The following SLC24A3 variants were observed in gnomAD, a reference collection of about 807,000 sequenced individuals.
The protein encoded by SLC24A3 is sodium/potassium/calcium exchanger 3.
In SLC24A3, 28 loss-of-function variants were observed where a neutral mutation model predicts 75.8. The ratio of observed to expected loss-of-function variants is 0.37; its 90% CI spans 0.27 to 0.51. The LOEUF (loss-of-function observed/expected upper bound fraction) is 0.51, where lower values mean the gene tolerates loss of function less well. Ranked by LOEUF, SLC24A3 falls within the 20% of genes least tolerant of loss-of-function variation. The pLI, the probability that SLC24A3 is intolerant of heterozygous loss-of-function variation, is 0.94. For synonymous variants in SLC24A3, 372 were observed against 334.1 expected (o/e 1.11, Z -1.24); for missense variants, 663 against 847.8 (o/e 0.78, Z 2.71).
At chr20:19,325,767 TATATATATAC>T (rs57432813) in intron 2 of SLC24A3, among the ~76,000 whole-genome samples, 1,082 of 64,946 alleles carry the variant, frequency 0.017, 40 homozygotes, top group African/African-American at 0.09. Context: ...CATACATACA[TATATATATAC>T]ATATATATAT....
intron 1 of SLC24A3, among the ~76,000 whole-genome samples, chr20:19,259,518 C>T (rs536581000): frequency 2.6e-5 from 4 of 152,290 alleles, no homozygotes; most frequent in South Asian, 2.1e-4. Context: ...TGAAGATTGG[C>T]GACCAGGCAA....
intron 3 of SLC24A3, among the ~76,000 whole-genome samples, chr20:19,535,474 C>T (rs555885952): frequency 6.6e-6 from 1 of 152,248 alleles, no homozygotes; most frequent in East Asian, 1.9e-4. Flanking sequence ...AACAGGGTTC[C>T]CAGAGATCAA....
chr20:19,223,199 G>A (rs539465225), intron 1 of SLC24A3, among the ~76,000 whole-genome samples: 2 of 152,278 alleles, frequency 1.3e-5, no homozygotes, highest in East Asian at 3.9e-4. Flanking sequence ...GGCTGAAGCA[G>A]GAGAATCATT....
chr20:19,465,461 T>C (rs1987749499), intron 2 of SLC24A3, among the ~76,000 whole-genome samples: 1 of 151,504 alleles, frequency 6.6e-6, no homozygotes. Flanking sequence ...TTTGCTAGAA[T>C]GCACATTTGT....
rs540241869 is a variant in SLC24A3, at chr20:19,371,134, A to G, written c.271+90047A>G. ...AGGAGCTCTGGGGGCAACTGGGCTGAAGTTTGTCCTCCATGGGATTCTGGA... is the reference window on the plus strand; with the variant it reads ...AGGAGCTCTGGGGGCAACTGGGCTGGAGTTTGTCCTCCATGGGATTCTGGA... On this transcript the variant is annotated intron_variant, in intron 2 of 16. Coordinates refer to ENST00000328041, the MANE Select transcript of SLC24A3 (RefSeq NM_020689.4). 4.1e-4 allele frequency among the ~76,000 whole-genome samples: 63 copies of G among 152,208 alleles called. No homozygotes were observed. The East Asian group carries it at 4.7e-3, about 11-fold the overall frequency.
At chr20:19,281,220 A>G in intron 2 of SLC24A3, 133 bp downstream of exon 2, 1 of 1,322,466 alleles carries the variant, frequency 7.6e-7, no homozygotes, top group South Asian at 1.4e-5. Context: ...TGGGAGTCTA[A>G]GAAACTTTCA....
At chr20:19,376,577 A>G (rs1986087008) in intron 2 of SLC24A3, among the ~76,000 whole-genome samples, 1 of 152,050 alleles carries the variant, frequency 6.6e-6, no homozygotes, top group South Asian at 2.1e-4. Flanking sequence ...CCAAGGGAAA[A>G]GGATATTCCC....
intron 2 of SLC24A3, among the ~76,000 whole-genome samples, chr20:19,457,826 A>G (rs541587797): frequency 2.0e-5 from 3 of 152,330 alleles, no homozygotes; most frequent in South Asian, 4.1e-4. Context: ...CCCCAGAGAA[A>G]GAACTACACG....
At chr20:19,590,038 T>C (rs2031351822) in intron 6 of SLC24A3, among the ~76,000 whole-genome samples, 1 of 151,932 alleles carries the variant, frequency 6.6e-6, no homozygotes, top group Non-Finnish European at 1.5e-5. Flanking sequence ...GAGTGTAGGA[T>C]CTGGGGTCAA....
At chr20:19,665,795 G>A (rs1346044797) in intron 7 of SLC24A3, 69 bp from the exon 8 acceptor site, 708 of 186,632 alleles carry the variant, frequency 3.8e-3, no homozygotes, top group Non-Finnish European at 4.8e-3. Context: ...CTTAAAGCGT[G>A]TGTGTGTGTG....
intron 6 of SLC24A3, among the ~76,000 whole-genome samples, chr20:19,651,246 TTTAA>T (rs1400066186): frequency 1.3e-5 from 2 of 151,644 alleles, no homozygotes; most frequent in Non-Finnish European, 2.9e-5. Context: ...TTTTCTCATT[TTTAA>T]TTAATAATTT....
intron 2 of SLC24A3, among the ~76,000 whole-genome samples, chr20:19,326,188 G>C (rs967306915): frequency 6.6e-6 from 1 of 152,026 alleles, no homozygotes; most frequent in African/African-American, 2.4e-5. Context: ...TATGCAAAGG[G>C]GGTAGTGCTT....
chr20:19,593,681 G>T (rs879872389), intron 6 of SLC24A3, among the ~76,000 whole-genome samples: 3 of 152,158 alleles, frequency 2.0e-5, no homozygotes, highest in Non-Finnish European at 2.9e-5. Flanking sequence ...CAGGGTAACT[G>T]CTTCCTCAAG....
chr20:19,338,044 G>A (rs762653024), intron 2 of SLC24A3, among the ~76,000 whole-genome samples: 10 of 152,182 alleles, frequency 6.6e-5, no homozygotes, highest in South Asian at 4.1e-4. Flanking sequence ...TGCAAAGGGC[G>A]TGGATACAGG....
At chr20:19,561,601 A>G (rs530185536) in intron 3 of SLC24A3, among the ~76,000 whole-genome samples, 1 of 152,280 alleles carries the variant, frequency 6.6e-6, no homozygotes, top group South Asian at 2.1e-4. Flanking sequence ...CCCTAAATCC[A>G]CTTCTACTCA....
At chr20:19,438,384 C>T (rs902724775) in intron 2 of SLC24A3, among the ~76,000 whole-genome samples, 7 of 152,344 alleles carry the variant, frequency 4.6e-5, no homozygotes, top group African/African-American at 1.7e-4. Context: ...ATGTCCGGCT[C>T]CTGGCCCATC....
intron 2 of SLC24A3, among the ~76,000 whole-genome samples, chr20:19,504,848 G>A (rs551673485): frequency 2.6e-5 from 4 of 152,334 alleles, no homozygotes; most frequent in Admixed American, 6.5e-5. Context: ...AATCACATGT[G>A]AGCAACAAAT....
chr20:19,604,012 GCA>G (rs959795777), intron 6 of SLC24A3, among the ~76,000 whole-genome samples: 1 of 152,226 alleles, frequency 6.6e-6, no homozygotes, highest in Admixed American at 6.5e-5. Context: ...TCCCCGGGCA[GCA>G]CAGTGTGGTC....
intron 15 of SLC24A3, among the ~76,000 whole-genome samples, chr20:19,700,320 T>C (rs897786661): frequency 6.6e-6 from 1 of 152,156 alleles, no homozygotes; most frequent in Non-Finnish European, 1.5e-5. Flanking sequence ...CATCCAGTGG[T>C]TCTACCATCT....
Sources: gnomAD v4.1 joint callset for allele counts (sites outside exome capture counted in the v4.1 genomes callset) on GRCh38, gnomAD v4.1.1 for gene constraint, MANE v1.5 for transcripts, NCBI Gene and HGNC (gene_info 2026-07-23, HGNC 2026-07-21) for gene names.